The following HS1BP3 variants were observed in gnomAD, a reference collection of about 807,000 sequenced individuals.
HS1BP3 encodes the protein HCLS1 binding protein 3.
HS1BP3 carries 32 observed loss-of-function variants against 33.5 expected under a neutral mutation model. That is an observed-to-expected ratio of 0.95 (90% CI 0.72 to 1.28). The LOEUF (loss-of-function observed/expected upper bound fraction) is 1.28, where lower values mean the gene tolerates loss of function less well. Among genes scored for constraint, HS1BP3 ranks in the 50% most tolerant of loss-of-function variants. The probability of loss-of-function intolerance (pLI) is 0.00; values close to 1 mark genes in which losing one functional copy is unlikely to be tolerated. For missense variants in HS1BP3, 486 were observed against 502.3 expected (o/e 0.97, Z 0.31); for synonymous variants, 187 against 209.2 (o/e 0.89, Z 0.92).
rs1694473688 is a variant in HS1BP3 at position 20,618,081 on chromosome 2, G to C, written c.*906C>G. On this transcript the variant is annotated 3_prime_UTR_variant, in exon 7 of 7. Transcript: ENST00000304031. ...CCCACTGGCAGTGGGAGGCGGTGCA[G>C]GCTGGGAGCCCTGCCCAGGCCCCAG... 1 of 152,410 alleles carries C rather than the reference G, an allele frequency of 6.6e-6. No individual in the cohort carries two copies. Among genetic ancestry groups the C allele is most frequent in the Admixed American group, 6.5e-5 (1 of 15,282 alleles). 9.4% of individuals were successfully genotyped at this position (152,410 alleles called of 1,614,324 possible).
At chr2:20,648,857 C>T (rs1695596819) in intron 1 of HS1BP3, among the ~76,000 whole-genome samples, 1 of 152,248 alleles carries the variant, frequency 6.6e-6, no homozygotes, top group South Asian at 2.1e-4. Flanking sequence ...AAAGGGCAGC[C>T]TCATTCTTCC....
rs578115234 is a variant in HS1BP3, at chr2:20,610,330, T to C, written c.179-12065A>G. ...ATCCACCATGAGAGTATCATACAGATAAGTTTTTGCCCTAAAAATCCTCTG... is the reference window on the plus strand; with the variant it reads ...ATCCACCATGAGAGTATCATACAGACAAGTTTTTGCCCTAAAAATCCTCTG... On this transcript the variant is annotated intron_variant, in intron 2 of 3. Coordinates refer to the HS1BP3 transcript ENST00000415264. Among the ~76,000 whole-genome samples the C allele has an allele frequency of 7.9e-5, 12 of 152,264 alleles. No individual in the cohort carries two copies. The South Asian group carries it at 2.5e-3, about 32-fold the overall frequency.
chr2:20,632,757 G>A (rs1222543604), intron 4 of HS1BP3, among the ~76,000 whole-genome samples: 1 of 152,150 alleles, frequency 6.6e-6, no homozygotes, highest in Non-Finnish European at 1.5e-5. Context: ...AGGTAAGCAG[G>A]CTCCTTCCTC....
At chr2:20,564,446 T>C (rs1216004546) in intron 5 of HS1BP3, among the ~76,000 whole-genome samples, 1 of 152,226 alleles carries the variant, frequency 6.6e-6, no homozygotes. Context: ...TTTATTCTTT[T>C]TCTAGTTCCA....
chr2:20,640,853 G>A lies in HS1BP3; in HGVS notation c.406+120C>T, dbSNP rs1695317338. On this transcript the variant is annotated intron_variant, in intron 3 of 6. Transcript: ENST00000304031. ...GTCAGCGAGGCCACCTGCCTCACCA[G>A]CCTGGCTGAAGCCTCCAGGCTGCAG... 4 of 980,506 alleles carry A rather than the reference G, an allele frequency of 4.1e-6. No homozygotes were observed. In the East Asian group the frequency reaches 7.2e-5, roughly 18 times the overall value. The allele number at this position is 980,506 out of a possible 1,614,324, so 60.7% of individuals were successfully genotyped here.
chr2:20,615,844 G>A (rs543830440), downstream of HS1BP3, among the ~76,000 whole-genome samples: 2 of 152,338 alleles, frequency 1.3e-5, no homozygotes, highest in East Asian at 3.9e-4. Flanking sequence ...AGACTCAGAG[G>A]AGCCCGTGGG....
downstream of HS1BP3, among the ~76,000 whole-genome samples, chr2:20,616,205 T>G (rs553177192): frequency 2.0e-5 from 3 of 152,212 alleles, no homozygotes; most frequent in Admixed American, 6.5e-5. Context: ...ATGGCCAAAG[T>G]GCCTGTCCTC....
intron 4 of HS1BP3, chr2:20,634,864 C>T (rs996452646): frequency 1.4e-4 from 22 of 152,268 alleles, no homozygotes; most frequent in African/African-American, 4.6e-4. Flanking sequence ...GGCCACAGCA[C>T]GGGGACCCGG....
At position 20,624,085 on chromosome 2, in the gene HS1BP3, A is replaced by G. The variant is rs958820732; in HGVS notation, c.785-54T>C. The stretch of plus-strand genomic sequence containing the variant: ...GAGGAAGCCTCTAGGCTGGGATGCC[A>G]TGGCTGCTCTCTCTCTGCCCCACCC... On this transcript the variant is annotated intron_variant, in intron 5 of 6. Transcript: ENST00000304031. 19 of 1,592,712 alleles carry G rather than the reference A, an allele frequency of 1.2e-5. No individual in the cohort carries two copies. In the South Asian group the frequency reaches 2.0e-4, roughly 17 times the overall value.
chr2:20,605,250 A>G (rs1222346298), intron 2 of HS1BP3, among the ~76,000 whole-genome samples: 1 of 152,128 alleles, frequency 6.6e-6, no homozygotes, highest in East Asian at 1.9e-4. Flanking sequence ...TTTCAGCATC[A>G]TCTATAGACA....
intron 2 of HS1BP3, 118 bp from the exon 3 acceptor site, chr2:20,641,298 G>A (rs938025475): frequency 6.3e-5 from 54 of 852,172 alleles, no homozygotes; most frequent in East Asian, 1.0e-4. Context: ...AGGTACGCCC[G>A]CCTGCTGCCC....
intron 5 of HS1BP3, among the ~76,000 whole-genome samples, chr2:20,582,198 G>A (rs188528793): frequency 1.7e-4 from 26 of 152,314 alleles, no homozygotes; most frequent in Admixed American, 7.2e-4. Flanking sequence ...TCCTGGAGGC[G>A]AAGGCTCCCA....
intron 5 of HS1BP3, among the ~76,000 whole-genome samples, chr2:20,561,207 T>C (rs1015839771): frequency 1.3e-5 from 2 of 152,120 alleles, no homozygotes; most frequent in Admixed American, 1.3e-4. Flanking sequence ...TCCCCAGTCT[T>C]CTCCTGTGGT....
intron 2 of HS1BP3, among the ~76,000 whole-genome samples, chr2:20,601,855 T>C (rs2149283185): frequency 7.4e-6 from 1 of 134,566 alleles, no homozygotes; most frequent in East Asian, 2.5e-4. Context: ...CTCGGCTCAC[T>C]GCAAGCTCCG....
chr2:20,585,825 C>T (rs1384777597), intron 5 of HS1BP3, among the ~76,000 whole-genome samples: 7 of 152,252 alleles, frequency 4.6e-5, no homozygotes, highest in Non-Finnish European at 8.8e-5. Flanking sequence ...TGAATACATA[C>T]CATCATGCCT....
chr2:20,596,300 A>G (rs1342540076), intron 3 of HS1BP3, among the ~76,000 whole-genome samples: 3 of 152,208 alleles, frequency 2.0e-5, no homozygotes, highest in Admixed American at 6.5e-5. Context: ...TTATTCTACT[A>G]TCTGAATATT....
At chr2:20,606,489 CT>C in intron 2 of HS1BP3, 1 of 477,568 alleles carries the variant, frequency 2.1e-6, no homozygotes, top group Admixed American at 2.3e-5. Context: ...CAGGGTTTGT[CT>C]TAGGTAGTTT....
At chr2:20,642,142 C>A (rs1184253432) in intron 2 of HS1BP3, among the ~76,000 whole-genome samples, 1 of 152,256 alleles carries the variant, frequency 6.6e-6, no homozygotes, top group Non-Finnish European at 1.5e-5. Context: ...GGCCTGTCTC[C>A]CCCGACTGAA....
intron 5 of HS1BP3, among the ~76,000 whole-genome samples, chr2:20,580,715 T>G (rs928644572): frequency 6.6e-6 from 1 of 152,172 alleles, no homozygotes; most frequent in Non-Finnish European, 1.5e-5. Context: ...CCTTTACACT[T>G]ATGAGATTGG....
Sources: gnomAD v4.1 joint callset for allele counts (sites outside exome capture counted in the v4.1 genomes callset) on GRCh38, gnomAD v4.1.1 for gene constraint, MANE v1.5 for transcripts, NCBI Gene and HGNC (gene_info 2026-07-23, HGNC 2026-07-21) for gene names.